PTK2: variants seen among roughly 807,000 people sequenced by gnomAD.
The protein encoded by PTK2 is focal adhesion kinase 1.
A neutral mutation model predicts 150.1 loss-of-function variants in PTK2; 45 were observed. The observed-to-expected ratio is 0.30, with a 90% confidence interval of 0.24 to 0.38. The LOEUF is 0.38. Ranked by LOEUF, PTK2 falls within the 10% of genes least tolerant of loss-of-function variation. The probability of loss-of-function intolerance (pLI) is 1.00; values close to 1 mark genes in which losing one functional copy is unlikely to be tolerated. For synonymous variants in PTK2, 432 were observed against 449.2 expected (o/e 0.96, Z 0.48); for missense variants, 919 against 1,307.3 (o/e 0.70, Z 4.58).
At chr8:140,852,633 T>C (rs1370509310) in intron 5 of PTK2, among the ~76,000 whole-genome samples, 1 of 152,266 alleles carries the variant, frequency 6.6e-6, no homozygotes, top group Non-Finnish European at 1.5e-5. Context: ...ATGTAAATTA[T>C]ACCTCAATAA....
chr8:140,904,690 C>T (rs4961241), intron 2 of PTK2, among the ~76,000 whole-genome samples: 147,155 of 152,236 alleles, frequency 0.97, 71,298 homozygotes, highest in East Asian at 1. Context: ...GTTATTGGTC[C>T]ATTCAGGGAT....
At chr8:140,775,610 C>T (rs527950818) in intron 14 of PTK2, among the ~76,000 whole-genome samples, 1 of 152,114 alleles carries the variant, frequency 6.6e-6, no homozygotes, top group Admixed American at 6.5e-5. Context: ...CCCTGAAGTG[C>T]TGGGACTATA....
At chr8:140,815,856 C>T (rs1339895648) in intron 10 of PTK2, among the ~76,000 whole-genome samples, 1 of 151,960 alleles carries the variant, frequency 6.6e-6, no homozygotes, top group Non-Finnish European at 1.5e-5. Context: ...ACTCATAAAA[C>T]TCTAAGCAAA....
chr8:140,843,719 T>C (rs2100123649), intron 7 of PTK2, among the ~76,000 whole-genome samples: 1 of 152,058 alleles, frequency 6.6e-6, no homozygotes, highest in Admixed American at 6.5e-5. Context: ...CCTTTTATTT[T>C]ACAATAGTTT....
intron 12 of PTK2, among the ~76,000 whole-genome samples, chr8:140,796,620 AAAC>A (rs1244781215): frequency 2.0e-5 from 3 of 152,246 alleles, no homozygotes; most frequent in African/African-American, 7.2e-5. Context: ...AGAAGGAGAT[AAAC>A]AACAGAAGGA....
chr8:140,894,425 T>C (rs2100155309), intron 2 of PTK2, among the ~76,000 whole-genome samples: 3 of 152,204 alleles, frequency 2.0e-5, no homozygotes, highest in South Asian at 4.1e-4. Flanking sequence ...TGAAAATACA[T>C]ATGCATAAGG....
chr8:140,762,103 C>CA (rs1226712051), intron 15 of PTK2, among the ~76,000 whole-genome samples: 1 of 152,002 alleles, frequency 6.6e-6, no homozygotes, highest in Non-Finnish European at 1.5e-5. Context: ...GTGTAATCAC[C>CA]AATGAAATAC....
intron 1 of PTK2, among the ~76,000 whole-genome samples, chr8:140,928,203 G>C (rs2100170422): frequency 6.6e-6 from 1 of 151,704 alleles, no homozygotes. Flanking sequence ...GAAATTTCAG[G>C]AGTCACTTTG....
At chr8:140,688,294 C>T (rs181158291) in intron 26 of PTK2, among the ~76,000 whole-genome samples, 26 of 152,230 alleles carry the variant, frequency 1.7e-4, no homozygotes, top group Middle Eastern at 3.4e-3. Flanking sequence ...CTGGTTGGTG[C>T]GCACTCAACA....
At chr8:140,677,114 TG>T (rs1361674516) in intron 27 of PTK2, among the ~76,000 whole-genome samples, 1 of 152,188 alleles carries the variant, frequency 6.6e-6, no homozygotes, top group African/African-American at 2.4e-5. Flanking sequence ...CTTATATGGA[TG>T]TCTCCAGTTG....
At chr8:140,877,289 C>T (rs2100146209) in intron 4 of PTK2, among the ~76,000 whole-genome samples, 1 of 152,138 alleles carries the variant, frequency 6.6e-6, no homozygotes, top group African/African-American at 2.4e-5. Flanking sequence ...CTGCCTCAGC[C>T]TCTCAAAGTG....
chr8:140,978,325 C>G (rs1336774746), intron 1 of PTK2, among the ~76,000 whole-genome samples: 1 of 152,162 alleles, frequency 6.6e-6, no homozygotes, highest in Non-Finnish European at 1.5e-5. Context: ...AACAGGCAAC[C>G]TACAGAATGG....
At chr8:140,811,897 T>C (rs2100101780) in intron 10 of PTK2, among the ~76,000 whole-genome samples, 1 of 152,182 alleles carries the variant, frequency 6.6e-6, no homozygotes, top group Non-Finnish European at 1.5e-5. Context: ...AGAAAGCCTC[T>C]GTGAAATACG....
chr8:140,660,764 T>C (rs1387670062), intron 31 of PTK2: 5 of 351,710 alleles, frequency 1.4e-5, no homozygotes, highest in Non-Finnish European at 2.3e-5. Context: ...AGGGCAGCAA[T>C]GGTGGAAGCA....
chr8:140,972,465 ATGTTGGCCAGGCT>A (rs1243402839), intron 1 of PTK2, among the ~76,000 whole-genome samples: 1 of 152,166 alleles, frequency 6.6e-6, no homozygotes, highest in Non-Finnish European at 1.5e-5. Flanking sequence ...GGGTTTCACC[ATGTTGGCCAGGCT>A]GGTCTTTAAC....
At chr8:140,989,038 G>A (rs1316480603) in intron 1 of PTK2, among the ~76,000 whole-genome samples, 1 of 151,712 alleles carries the variant, frequency 6.6e-6, no homozygotes, top group Non-Finnish European at 1.5e-5. Context: ...TAAAGGAAAA[G>A]ACTGATAAAC....
chr8:140,742,346 T>C (rs2100056223), intron 20 of PTK2, among the ~76,000 whole-genome samples: 2 of 152,202 alleles, frequency 1.3e-5, no homozygotes, highest in African/African-American at 4.8e-5. Flanking sequence ...CAATGAACAT[T>C]TGAGTATGGT....
chr8:140,777,936 C>T lies in PTK2; in HGVS notation c.1177+11538G>A, dbSNP rs377131893. ...CAATCACTTTTTCCCATGCCTTCAA[C>T]TGCCCTGCTCCTCTATCCCATAAAT... On this transcript the variant is annotated intron_variant, in intron 14 of 31. Coordinates refer to ENST00000522684, the Ensembl canonical transcript of PTK2. 9.2e-5 allele frequency among the ~76,000 whole-genome samples: 14 copies of T among 152,314 alleles called. 1 individual carries two copies. In the South Asian group the frequency reaches 1.5e-3, roughly 16 times the overall value.
intron 2 of PTK2, among the ~76,000 whole-genome samples, chr8:140,921,674 G>A (rs1346883762): frequency 1.3e-5 from 2 of 152,122 alleles, no homozygotes; most frequent in African/African-American, 4.8e-5. Flanking sequence ...AGAATTTGAG[G>A]TAGCCACATT....
Sources: allele counts gnomAD v4.1 joint callset (sites outside exome capture counted in the v4.1 genomes callset), GRCh38; gene constraint gnomAD v4.1.1; transcripts MANE v1.5; gene names NCBI Gene and HGNC (gene_info 2026-07-23, HGNC 2026-07-21).